SYT9: variants seen among roughly 807,000 people sequenced by gnomAD.
SYT9 encodes synaptotagmin-9.
SYT9 carries 22 observed loss-of-function variants against 48.4 expected under a neutral mutation model. The observed-to-expected ratio is 0.45, with a 90% CI of 0.32 to 0.65. The LOEUF is 0.65. SYT9 is among the 30% of genes least tolerant of loss of function. The pLI, the probability that SYT9 is intolerant of heterozygous loss-of-function variation, is 0.03. For missense variants in SYT9, 577 were observed against 622.0 expected, an observed-to-expected ratio of 0.93 and a Z score of 0.77; for synonymous variants, 265 against 245.0, an observed-to-expected ratio of 1.08 and a Z score of -0.76.
chr11:7,330,997 T>G (rs1307792542), intron 3 of SYT9, among the ~76,000 whole-genome samples: 2 of 151,316 alleles, frequency 1.3e-5, no homozygotes, highest in Non-Finnish European at 2.9e-5. Context: ...TGGGGTTTCA[T>G]CATGTTGGCC....
chr11:7,242,481 G>A (rs779411864), intron 1 of SYT9, among the ~76,000 whole-genome samples: 3 of 152,148 alleles, frequency 2.0e-5, no homozygotes, highest in Admixed American at 1.3e-4. Flanking sequence ...TCTGCATAGG[G>A]TTGTTATAGA....
intron 3 of SYT9, among the ~76,000 whole-genome samples, chr11:7,381,753 G>A (rs896946713): frequency 9.9e-5 from 15 of 152,142 alleles, no homozygotes; most frequent in African/African-American, 3.1e-4. Flanking sequence ...TTTACAGGAA[G>A]GCACAGAGGT....
chr11:7,300,384 C>T (rs1192750554), intron 1 of SYT9, among the ~76,000 whole-genome samples: 1 of 152,214 alleles, frequency 6.6e-6, no homozygotes, highest in Non-Finnish European at 1.5e-5. Context: ...TTCAAGGTGG[C>T]ATGGGCCATA....
In SYT9 at chr11:7,313,609, A is replaced by G. The variant is rs1001166978; in HGVS notation, c.712A>G (p.Ile238Val). 67 of 1,614,078 alleles carry G rather than the reference A, an allele frequency of 4.2e-5. No individual in the cohort carries two copies. The highest frequency in any genetic ancestry group is 5.5e-5 in the Non-Finnish European group (65 of 1,180,014). Residue 238 changes from isoleucine (I) to valine (V), a missense_variant, in exon 3 of 7, where the codon ATA (isoleucine) becomes GTA (valine). Coordinates refer to ENST00000318881, the MANE Select transcript of SYT9 (RefSeq NM_175733.4). Reference protein sequence around the residue: ...LKYDCDLEQLIVKIHKAVNLP... With the variant: ...LKYDCDLEQLVVKIHKAVNLP... ...ATATGACTGTGACTTAGAGCAGCTC[A>G]TAGTGAAGATTCACAAAGCTGTCAA...
intron 3 of SYT9, among the ~76,000 whole-genome samples, chr11:7,341,620 T>C (rs537899161): frequency 1.3e-5 from 2 of 152,296 alleles, no homozygotes; most frequent in South Asian, 4.2e-4. Context: ...TTACCCAGTC[T>C]TAGATATTTC....
intron 1 of SYT9, among the ~76,000 whole-genome samples, chr11:7,278,135 T>A (rs1848431244): frequency 6.6e-6 from 1 of 152,178 alleles, no homozygotes; most frequent in African/African-American, 2.4e-5. Flanking sequence ...TACATCTAAT[T>A]GCCCTGGGTC....
At chr11:7,380,329 C>T (rs567961727) in intron 3 of SYT9, among the ~76,000 whole-genome samples, 1 of 151,882 alleles carries the variant, frequency 6.6e-6, no homozygotes, top group South Asian at 2.1e-4. Context: ...GGGTAATGGG[C>T]ACAAAAAAAT....
chr11:7,299,843 CA>C (rs1323756302), intron 1 of SYT9, among the ~76,000 whole-genome samples: 1 of 152,140 alleles, frequency 6.6e-6, no homozygotes, highest in African/African-American at 2.4e-5. Flanking sequence ...TAAACTGGGT[CA>C]GGGGTCCTAT....
At chr11:7,357,498 T>C (rs1850043383) in intron 3 of SYT9, among the ~76,000 whole-genome samples, 1 of 152,140 alleles carries the variant, frequency 6.6e-6, no homozygotes, top group Non-Finnish European at 1.5e-5. Flanking sequence ...CGATAGTAAT[T>C]GGGCCCCAGC....
chr11:7,359,775 C>T (rs1344197843), intron 3 of SYT9, among the ~76,000 whole-genome samples: 4 of 142,246 alleles, frequency 2.8e-5, no homozygotes, highest in East Asian at 2.1e-4. Flanking sequence ...GAGTAGGTTG[C>T]GAAAATTTTC....
At chr11:7,243,896 G>A (rs1352659897) in intron 1 of SYT9, among the ~76,000 whole-genome samples, 3 of 152,126 alleles carry the variant, frequency 2.0e-5, no homozygotes, top group African/African-American at 7.2e-5. Flanking sequence ...TGCCCAGGAT[G>A]AGAGTCGTCA....
chr11:7,435,529 G>T (rs1308054976), intron 6 of SYT9: 4 of 152,194 alleles, frequency 2.6e-5, no homozygotes, highest in Admixed American at 6.5e-5. Flanking sequence ...ACTAGGGACA[G>T]AATTAAGAAT....
At chr11:7,463,350 T>C in intron 6 of SYT9, among the ~76,000 whole-genome samples, 1 of 134,706 alleles carries the variant, frequency 7.4e-6, no homozygotes, top group Non-Finnish European at 1.6e-5. Flanking sequence ...GAAAAATCTT[T>C]CTTTTCTCAC....
At position 7,245,458 on chromosome 11, in the gene SYT9, G is replaced by C. The variant is rs374348946; in HGVS notation, c.49+6542G>C. On this transcript the variant is annotated intron_variant and NMD_transcript_variant, in intron 1 of 8. Coordinates refer to the SYT9 transcript ENST00000524820. ...GTTTTTGTTTTTGTTTTTTGAGTCA[G>C]GGTTCTATTCCGTCACCCACCAAAG... 2.5e-4 allele frequency among the ~76,000 whole-genome samples: 38 copies of C among 150,514 alleles called. No homozygotes were observed. In the East Asian group the frequency reaches 7.2e-3, roughly 29 times the overall value.
chr11:7,450,922 A>G (rs1439984819), intron 6 of SYT9, among the ~76,000 whole-genome samples: 3 of 152,226 alleles, frequency 2.0e-5, no homozygotes, highest in Non-Finnish European at 4.4e-5. Context: ...GGGATCACAC[A>G]GTAATGCTGG....
At chr11:7,330,930 C>T (rs1849516503) in intron 3 of SYT9, among the ~76,000 whole-genome samples, 1 of 151,936 alleles carries the variant, frequency 6.6e-6, no homozygotes, top group African/African-American at 2.4e-5. Flanking sequence ...CTCCTGACCT[C>T]AAGCAATACA....
intron 3 of SYT9, among the ~76,000 whole-genome samples, chr11:7,314,851 A>G (rs1589938368): frequency 6.6e-6 from 1 of 152,196 alleles, no homozygotes; most frequent in African/African-American, 2.4e-5. Context: ...ATGGCATCCA[A>G]ATGGACCAAG....
At chr11:7,255,037 G>C (rs1487861) in intron 1 of SYT9, among the ~76,000 whole-genome samples, 14,456 of 152,240 alleles carry the variant, frequency 0.095, 911 homozygotes, top group South Asian at 0.21. Flanking sequence ...GTCACAGTTG[G>C]AACTGAAGTG....
chr11:7,270,174 T>C (rs746266972), intron 1 of SYT9, among the ~76,000 whole-genome samples: 7 of 152,226 alleles, frequency 4.6e-5, no homozygotes, highest in Non-Finnish European at 8.8e-5. Flanking sequence ...ATATTGACAA[T>C]GTTTATTCTT....
Sources: gnomAD v4.1 joint callset for allele counts (sites outside exome capture counted in the v4.1 genomes callset) on GRCh38, gnomAD v4.1.1 for gene constraint, MANE v1.5 for transcripts, NCBI Gene and HGNC (gene_info 2026-07-23, HGNC 2026-07-21) for gene names.